IGF1R: variants seen among roughly 807,000 people sequenced by gnomAD.
IGF1R encodes insulin like growth factor 1 receptor, also known as insulin-like growth factor 1 receptor.
In IGF1R, 44 loss-of-function variants were observed where a neutral mutation model predicts 144.6. The ratio of observed to expected loss-of-function variants is 0.30; its 90% confidence interval spans 0.24 to 0.39. IGF1R has a LOEUF of 0.39. Among genes scored for constraint, IGF1R ranks in the 10% least tolerant of loss-of-function variants. The probability of loss-of-function intolerance (pLI) is 1.00; values close to 1 mark genes in which losing one functional copy is unlikely to be tolerated. For missense variants in IGF1R, 1,355 were observed against 1,833.7 expected, an observed-to-expected ratio of 0.74 and a Z score of 4.77; for synonymous variants, 795 against 722.8, an observed-to-expected ratio of 1.10 and a Z score of -1.60.
At chr15:98,650,033 C>G (rs2052312147) in intron 1 of IGF1R, among the ~76,000 whole-genome samples, 1 of 152,060 alleles carries the variant, frequency 6.6e-6, no homozygotes, top group African/African-American at 2.4e-5. Context: ...CGCACCTCGC[C>G]CCTTCCATGC....
chr15:98,936,295 A>G (rs552280815), intron 17 of IGF1R, among the ~76,000 whole-genome samples: 2 of 152,326 alleles, frequency 1.3e-5, no homozygotes, highest in East Asian at 3.9e-4. Context: ...TAAACCTGCT[A>G]AAGTCCTATG....
intron 1 of IGF1R, among the ~76,000 whole-genome samples, chr15:98,680,459 C>A (rs998805929): frequency 1.3e-5 from 2 of 151,720 alleles, no homozygotes; most frequent in Non-Finnish European, 2.9e-5. Flanking sequence ...GTGGAGACAG[C>A]GTTGCACCGT....
intron 20 of IGF1R, among the ~76,000 whole-genome samples, chr15:98,955,976 TGTAAGAGAGG>T (rs1555466904): frequency 2.0e-5 from 3 of 152,180 alleles, no homozygotes; most frequent in Non-Finnish European, 2.9e-5. Context: ...TTCACGCTCA[TGTAAGAGAGG>T]GCTGTTGGCG....
At chr15:98,834,858 T>C (rs1248311692) in intron 2 of IGF1R, among the ~76,000 whole-genome samples, 2 of 152,108 alleles carry the variant, frequency 1.3e-5, no homozygotes, top group African/African-American at 4.8e-5. Context: ...CCTTCAGAGG[T>C]ATATGCTATT....
chr15:98,864,933 A>G lies in IGF1R; in HGVS notation c.641-26392A>G, dbSNP rs553864542. On this transcript the variant is annotated intron_variant, in intron 2 of 20. Transcript: ENST00000650285. Reference sequence around the variant, plus strand: ...CACACAAGAGCGTGCAAGCTATACTAAGCTTCCTGTGGCCCTCGTTTTTCC... The same window carrying G: ...CACACAAGAGCGTGCAAGCTATACTGAGCTTCCTGTGGCCCTCGTTTTTCC... Among the ~76,000 whole-genome samples the G allele has an allele frequency of 4.9e-4, 74 of 152,282 alleles. No individual in the cohort carries two copies. The South Asian group carries it at 0.015, about 31-fold the overall frequency.
At chr15:98,879,497 G>A (rs1486116672) in intron 2 of IGF1R, among the ~76,000 whole-genome samples, 6 of 152,128 alleles carry the variant, frequency 3.9e-5, no homozygotes, top group Non-Finnish European at 7.3e-5. Context: ...CTGCTGACTC[G>A]GAGCAGAGGG....
At chr15:98,785,424 A>G (rs1567128102) in intron 2 of IGF1R, among the ~76,000 whole-genome samples, 1 of 152,228 alleles carries the variant, frequency 6.6e-6, no homozygotes, top group Admixed American at 6.5e-5. Context: ...GTCAAGTAAT[A>G]GAATCTCTAG....
intron 1 of IGF1R, among the ~76,000 whole-genome samples, chr15:98,655,936 A>G (rs1472004775): frequency 6.6e-6 from 1 of 152,050 alleles, no homozygotes; most frequent in African/African-American, 2.4e-5. Context: ...CAAGCGATCC[A>G]CTCACCTCGG....
chr15:98,907,684 CGTA>C (rs1160161828), intron 5 of IGF1R, among the ~76,000 whole-genome samples: 1 of 152,228 alleles, frequency 6.6e-6, no homozygotes, highest in African/African-American at 2.4e-5. Flanking sequence ...AGACCTAAGC[CGTA>C]GCTGTCTGCT....
At position 98,916,881 on chromosome 15, in the gene IGF1R, C is replaced by G. The variant is rs1057523724; in HGVS notation, c.2201+5C>G. ...CAACTCCATCTTCGTGCCCAGGTAC[C>G]CAGCTCATGTGAAATTTCAGTTGGC... On this transcript the variant is annotated splice_donor_5th_base_variant and intron_variant, in intron 10 of 20. Transcript: ENST00000650285. The G allele has an allele frequency of 4.3e-6, 7 of 1,613,728 alleles. No individual in the cohort carries two copies. Among genetic ancestry groups the G allele is most frequent in the African/African-American group, 1.3e-5 (1 of 74,998 alleles).
rs1596214034 is a variant in IGF1R at position 98,707,554 on chromosome 15, C to G, written c.95-8C>G. 6.2e-7 allele frequency: 1 copy of G among 1,614,030 alleles called. No individual in the cohort carries two copies. Among genetic ancestry groups the G allele is most frequent in the Non-Finnish European group, 8.5e-7 (1 of 1,179,924 alleles). On this transcript the variant is annotated splice_polypyrimidine_tract_variant and splice_region_variant and intron_variant, in intron 1 of 20. Coordinates refer to ENST00000650285, the MANE Select transcript of IGF1R (RefSeq NM_000875.5). The surrounding 1 kb of genome is among the most constrained non-coding windows in gnomAD (Gnocchi z 6.7). ...AACTGAGACGTTTACCCTCTTGTCT[C>G]CCTTCAGTCTGCGGGCCAGGCATCG... is the stretch of plus-strand genomic sequence containing the variant.
intron 2 of IGF1R, among the ~76,000 whole-genome samples, chr15:98,855,123 T>C (rs1020337296): frequency 6.6e-6 from 1 of 152,240 alleles, no homozygotes; most frequent in Non-Finnish European, 1.5e-5. Flanking sequence ...ACACTGATGC[T>C]GTATGGTGAT....
intron 2 of IGF1R, among the ~76,000 whole-genome samples, chr15:98,728,552 G>C (rs762444000): frequency 6.6e-5 from 10 of 152,366 alleles, no homozygotes; most frequent in South Asian, 2.1e-4. Context: ...TGCTTTGCTT[G>C]AAGAGCGGCT....
At chr15:98,928,865 C>G (rs2015829828) in intron 13 of IGF1R, among the ~76,000 whole-genome samples, 1 of 151,984 alleles carries the variant, frequency 6.6e-6, no homozygotes, top group African/African-American at 2.4e-5. Flanking sequence ...TAGCAGGACT[C>G]AAATGTCTGC....
At chr15:98,821,418 G>C (rs2056800396) in intron 2 of IGF1R, among the ~76,000 whole-genome samples, 2 of 152,118 alleles carry the variant, frequency 1.3e-5, no homozygotes, top group African/African-American at 4.8e-5. Flanking sequence ...AGTAGACCGT[G>C]AATTTAGAAG....
At chr15:98,703,337 C>A (rs2053782005) in intron 1 of IGF1R, among the ~76,000 whole-genome samples, 1 of 152,126 alleles carries the variant, frequency 6.6e-6, no homozygotes, top group Non-Finnish European at 1.5e-5. Flanking sequence ...CTGTTTACTC[C>A]CTCGGTGCAT....
chr15:98,774,789 A>G, intron 2 of IGF1R, among the ~76,000 whole-genome samples: 1 of 151,896 alleles, frequency 6.6e-6, no homozygotes, highest in South Asian at 2.1e-4. Context: ...GTTGTACAAC[A>G]GTGTGAACTT....
intron 1 of IGF1R, chr15:98,650,799 C>G: frequency 1.5e-6 from 1 of 678,028 alleles, no homozygotes; most frequent in African/African-American, 1.9e-5. Flanking sequence ...CCCCGCACTT[C>G]CTTTGTACGT....
chr15:98,908,476 C>T (rs867297513), intron 5 of IGF1R, among the ~76,000 whole-genome samples: 3 of 152,262 alleles, frequency 2.0e-5, no homozygotes, highest in East Asian at 3.9e-4. Flanking sequence ...AGCATCTTAC[C>T]GATTTTGATA....
Sources: allele counts gnomAD v4.1 joint callset (sites outside exome capture counted in the v4.1 genomes callset), GRCh38; gene constraint gnomAD v4.1.1; non-coding constraint Gnocchi (gnomAD v3.1); transcripts MANE v1.5; gene names NCBI Gene and HGNC (gene_info 2026-07-23, HGNC 2026-07-21).